The following MSI2 variants were observed in gnomAD, a reference collection of about 807,000 sequenced individuals.
The protein encoded by MSI2 is musashi RNA binding protein 2, also known as RNA-binding protein Musashi homolog 2.
A neutral mutation model predicts 45.6 loss-of-function variants in MSI2; 17 were observed. That is an observed-to-expected ratio of 0.37 (90% confidence interval 0.26 to 0.56). The LOEUF (loss-of-function observed/expected upper bound fraction) is 0.56. Among genes scored for constraint, MSI2 ranks in the 20% least tolerant of loss-of-function variants. The pLI is 0.77. For missense variants in MSI2, 293 were observed against 444.2 expected (o/e 0.66, Z 3.06); for synonymous variants, 156 against 158.2 (o/e 0.99, Z 0.11).
intron 5 of MSI2, among the ~76,000 whole-genome samples, chr17:57,369,021 T>C (rs1407139965): frequency 6.6e-6 from 1 of 152,170 alleles, no homozygotes; most frequent in African/African-American, 2.4e-5. Flanking sequence ...CTACTGGGAA[T>C]TTCCAAAATA....
intron 6 of MSI2, among the ~76,000 whole-genome samples, chr17:57,403,637 T>C (rs984612496): frequency 6.6e-6 from 1 of 152,246 alleles, no homozygotes; most frequent in African/African-American, 2.4e-5. Context: ...AGCTTTTTTT[T>C]CATACATAGG....
At chr17:57,352,440 G>T (rs1239575946) in intron 5 of MSI2, among the ~76,000 whole-genome samples, 1 of 152,182 alleles carries the variant, frequency 6.6e-6, no homozygotes, top group Non-Finnish European at 1.5e-5. Flanking sequence ...AGGACTCTAA[G>T]ACCTTGGCGG....
intron 7 of MSI2, among the ~76,000 whole-genome samples, chr17:57,582,647 A>G (rs1311023382): frequency 6.6e-6 from 1 of 152,228 alleles, no homozygotes; most frequent in Non-Finnish European, 1.5e-5. Flanking sequence ...TGGCTAAATC[A>G]TGATACTAAT....
At chr17:57,458,685 C>T (rs993423149) in intron 6 of MSI2, among the ~76,000 whole-genome samples, 17 of 152,152 alleles carry the variant, frequency 1.1e-4, no homozygotes, top group Admixed American at 2.0e-4. Context: ...CCCAGCTGCT[C>T]GGCCCATAAC....
intron 7 of MSI2, among the ~76,000 whole-genome samples, chr17:57,592,035 G>A (rs149985365): frequency 5.9e-5 from 9 of 151,972 alleles, no homozygotes; most frequent in Admixed American, 2.0e-4. Context: ...AGCCGGGTGC[G>A]GTGGCGTGTA....
chr17:57,525,168 G>A (rs1446054126), intron 6 of MSI2, among the ~76,000 whole-genome samples: 2 of 152,270 alleles, frequency 1.3e-5, no homozygotes, highest in East Asian at 1.9e-4. Context: ...AGTCTGAACC[G>A]TGCAGTAGTC....
intron 6 of MSI2, among the ~76,000 whole-genome samples, chr17:57,486,617 G>A (rs146545911): frequency 8.2e-4 from 125 of 152,270 alleles, no homozygotes; most frequent in African/African-American, 2.7e-3. Context: ...TTATTCACTG[G>A]TGGTCAGGCT....
chr17:57,335,056 A>T (rs1264391057), intron 5 of MSI2, among the ~76,000 whole-genome samples: 1 of 151,918 alleles, frequency 6.6e-6, no homozygotes. Context: ...AATTGCATAT[A>T]TTTATTTTCA....
chr17:57,383,790 A>G (rs1322549633), intron 5 of MSI2, among the ~76,000 whole-genome samples: 2 of 152,240 alleles, frequency 1.3e-5, no homozygotes, highest in Non-Finnish European at 2.9e-5. Flanking sequence ...TGGTTATCAT[A>G]TTTATGGATA....
At chr17:57,583,920 C>T (rs1300436790) in intron 7 of MSI2, among the ~76,000 whole-genome samples, 1 of 152,214 alleles carries the variant, frequency 6.6e-6, no homozygotes. Flanking sequence ...ATGTAAGACT[C>T]ACTACTGAGA....
chr17:57,414,512 C>A (rs900500684), intron 6 of MSI2, among the ~76,000 whole-genome samples: 30 of 152,064 alleles, frequency 2.0e-4, no homozygotes, highest in Admixed American at 1.2e-3. Flanking sequence ...GCCTCAGCCT[C>A]CCAAGTAGCT....
intron 5 of MSI2, chr17:57,268,242 CAA>C (rs1567726212): frequency 6.6e-6 from 1 of 152,202 alleles, no homozygotes; most frequent in Admixed American, 6.5e-5. Flanking sequence ...GAGAATATGA[CAA>C]AGTTCCTGCT....
chr17:57,589,359 T>G (rs1314083909), intron 7 of MSI2, among the ~76,000 whole-genome samples: 1 of 152,212 alleles, frequency 6.6e-6, no homozygotes, highest in Non-Finnish European at 1.5e-5. Flanking sequence ...GTTATATTTT[T>G]CTTAGAGCAA....
chr17:57,402,883 T>G (rs2084018394), intron 6 of MSI2, among the ~76,000 whole-genome samples: 1 of 152,126 alleles, frequency 6.6e-6, no homozygotes, highest in Non-Finnish European at 1.5e-5. Context: ...AATAGCCAAG[T>G]GTGTTGATGA....
chr17:57,343,699 A>G (rs1459050533), intron 5 of MSI2, among the ~76,000 whole-genome samples: 1 of 152,240 alleles, frequency 6.6e-6, no homozygotes. Context: ...CCTCAAGTAC[A>G]GGATACAATG....
At chr17:57,684,956 C>T (rs1453010528), downstream of MSI2, among the ~76,000 whole-genome samples, 1 of 151,360 alleles carries the variant, frequency 6.6e-6, no homozygotes, top group Non-Finnish European at 1.5e-5. Context: ...TACACAGAAC[C>T]CATGAGTGGA....
intron 8 of MSI2, among the ~76,000 whole-genome samples, chr17:57,599,890 T>C (rs1302042875): frequency 2.0e-5 from 3 of 152,190 alleles, no homozygotes; most frequent in African/African-American, 4.8e-5. Flanking sequence ...AAGGGCTTAC[T>C]TAGCACAGTG....
chr17:57,382,387 T>G (rs2083612786), intron 5 of MSI2, among the ~76,000 whole-genome samples: 1 of 152,032 alleles, frequency 6.6e-6, no homozygotes, highest in Non-Finnish European at 1.5e-5. Flanking sequence ...GAAGGCCTAG[T>G]GGAGATGGTG....
intron 5 of MSI2, among the ~76,000 whole-genome samples, chr17:57,324,097 C>T (rs1050455992): frequency 6.6e-6 from 1 of 152,168 alleles, no homozygotes; most frequent in African/African-American, 2.4e-5. Context: ...CGCTTGAGGC[C>T]AAGAGTTTAA....
Sources: gnomAD v4.1 joint callset for allele counts (sites outside exome capture counted in the v4.1 genomes callset) on GRCh38, gnomAD v4.1.1 for gene constraint, MANE v1.5 for transcripts, NCBI Gene and HGNC (gene_info 2026-07-23, HGNC 2026-07-21) for gene names.